The following CEP57L1 variants were observed in gnomAD, a reference collection of about 807,000 sequenced individuals.
CEP57L1 encodes centrosomal protein 57 like 1.
Under a neutral mutation model 61.0 loss-of-function variants are expected in CEP57L1, and 37 were observed. The observed-to-expected ratio is 0.61, with a 90% confidence interval of 0.47 to 0.80. The LOEUF (loss-of-function observed/expected upper bound fraction) is 0.80, where lower values mean the gene tolerates loss of function less well. Among genes scored for constraint, CEP57L1 ranks in the 30% least tolerant of loss-of-function variants. CEP57L1 has a pLI of 0.00. For synonymous variants in CEP57L1, 137 were observed against 162.3 expected, an observed-to-expected ratio of 0.84 and a Z score of 1.19; for missense variants, 422 against 524.7, an observed-to-expected ratio of 0.80 and a Z score of 1.91.
intron 3 of CEP57L1, among the ~76,000 whole-genome samples, chr6:109,147,720 GA>G (rs1321323536): frequency 6.6e-6 from 1 of 152,160 alleles, no homozygotes; most frequent in Non-Finnish European, 1.5e-5. Flanking sequence ...AAGAACAGGG[GA>G]AAATGAGAGT....
rs1773870634 is a variant in CEP57L1 at position 109,163,147 on chromosome 6, A to G, written c.*177A>G. 1 of 511,956 alleles carries G rather than the reference A, an allele frequency of 2.0e-6. No homozygotes were observed. Among genetic ancestry groups the G allele is most frequent in the Non-Finnish European group, 3.4e-6 (1 of 290,230 alleles). 31.7% of individuals were successfully genotyped at this position (511,956 alleles called of 1,614,324 possible). A position where few individuals can be genotyped will look rare whatever the true frequency, so the allele number is the denominator to read the frequency against. Reference sequence around the variant, plus strand: ...AATGACCTGGTGGGTTCCAAATAATAAATTAATTGCTTTTTTATTTTTCTT... The same window carrying G: ...AATGACCTGGTGGGTTCCAAATAATGAATTAATTGCTTTTTTATTTTTCTT... On this transcript the variant is annotated 3_prime_UTR_variant, in exon 11 of 11. Coordinates refer to ENST00000517392, the MANE Select transcript of CEP57L1 (RefSeq NM_001271852.3).
intron 10 of CEP57L1, among the ~76,000 whole-genome samples, chr6:109,162,046 C>T (rs1773761921): frequency 6.6e-6 from 1 of 151,904 alleles, no homozygotes; most frequent in African/African-American, 2.4e-5. Flanking sequence ...TCCACTATTA[C>T]CATATACTAC....
intron 2 of CEP57L1, 85 bp downstream of exon 2, chr6:109,145,466 T>A (rs897353548): frequency 2.2e-6 from 2 of 907,166 alleles, no homozygotes; most frequent in African/African-American, 1.7e-5. Context: ...TATGATTGCA[T>A]ATTTAATCTT....
intron 1 of CEP57L1, among the ~76,000 whole-genome samples, chr6:109,104,297 TTA>T (rs1215203787): frequency 6.6e-6 from 1 of 151,156 alleles, no homozygotes; most frequent in Non-Finnish European, 1.5e-5. Flanking sequence ...CCAGTCCCTA[TTA>T]ATGTATATTT....
At chr6:109,105,523 A>G (rs981100145) in intron 1 of CEP57L1, among the ~76,000 whole-genome samples, 1 of 152,124 alleles carries the variant, frequency 6.6e-6, no homozygotes, top group Non-Finnish European at 1.5e-5. Context: ...TTTCTTTTGT[A>G]TCAGTCCCTT....
chr6:109,150,354 A>G, intron 4 of CEP57L1, 115 bp downstream of exon 4: 2 of 1,231,786 alleles, frequency 1.6e-6, no homozygotes, highest in Non-Finnish European at 2.3e-6. Flanking sequence ...ATGAGGTCTA[A>G]CTTACGTGTA....
rs1420082721 is a variant in CEP57L1 at position 109,173,818 on chromosome 6, G to T, written c.*10848G>T. Among the ~76,000 whole-genome samples, 48 of 151,880 alleles carry T rather than the reference G, an allele frequency of 3.2e-4. No individual in the cohort carries two copies. The highest frequency in any genetic ancestry group is 3.1e-3 in the Admixed American group (47 of 15,242). ...TGTCACTCAAAAGCCATGTGTTGGG[G>T]CTGAACGTAGTGGCTCACGCCTATA... On this transcript the variant is annotated 3_prime_UTR_variant, in exon 11 of 11. Coordinates refer to ENST00000517392, the MANE Select transcript of CEP57L1 (RefSeq NM_001271852.3).
intron 1 of CEP57L1, among the ~76,000 whole-genome samples, chr6:109,143,169 C>T (rs897570224): frequency 6.7e-6 from 1 of 149,750 alleles, no homozygotes; most frequent in African/African-American, 2.6e-5. Flanking sequence ...TTTAAACTCT[C>T]TCTCTTTTTA....
At chr6:109,129,592 A>G (rs182225473) in intron 1 of CEP57L1, 73 of 451,864 alleles carry the variant, frequency 1.6e-4, no homozygotes, top group African/African-American at 1.3e-3. Context: ...TTCCAGCTCA[A>G]TCTTACCTAC....
intron 1 of CEP57L1, among the ~76,000 whole-genome samples, chr6:109,134,464 T>C (rs1048169302): frequency 2.0e-5 from 3 of 152,214 alleles, no homozygotes; most frequent in African/African-American, 7.2e-5. Flanking sequence ...TCATACTGAA[T>C]GGGCAAAAAC....
chr6:109,159,590 T>G (rs1202053880), intron 9 of CEP57L1, 128 bp downstream of exon 9: 8 of 740,586 alleles, frequency 1.1e-5, no homozygotes, highest in Non-Finnish European at 1.8e-5. Flanking sequence ...ATTACAAGCA[T>G]GAGCCACCGT....
intron 1 of CEP57L1, among the ~76,000 whole-genome samples, chr6:109,125,627 G>A (rs1337886848): frequency 6.6e-6 from 1 of 151,160 alleles, no homozygotes; most frequent in East Asian, 1.9e-4. Flanking sequence ...GCTGCTACTC[G>A]GGAGGCTGAG....
At chr6:109,142,313 G>A (rs1402626139) in intron 1 of CEP57L1, among the ~76,000 whole-genome samples, 1 of 152,182 alleles carries the variant, frequency 6.6e-6, no homozygotes, top group Non-Finnish European at 1.5e-5. Context: ...CCTTGGCAGA[G>A]ACATGGATGG....
chr6:109,095,249 A>G (rs949856949), upstream of CEP57L1: 16 of 985,474 alleles, frequency 1.6e-5, no homozygotes, highest in African/African-American at 2.8e-4. Context: ...GGGGAAGGAA[A>G]AAGTAAGACG....
chr6:109,155,163 G>A, intron 5 of CEP57L1, 67 bp from the exon 6 acceptor site: 1 of 962,390 alleles, frequency 1.0e-6, no homozygotes, highest in South Asian at 1.9e-5. Context: ...GACTCTATTT[G>A]GAAAAGAAAC....
At chr6:109,137,371 G>A (rs992055930) in intron 1 of CEP57L1, among the ~76,000 whole-genome samples, 25 of 151,834 alleles carry the variant, frequency 1.6e-4, no homozygotes, top group African/African-American at 6.0e-4. Context: ...GCCCCATCTC[G>A]GCTCACTGCG....
intron 10 of CEP57L1, among the ~76,000 whole-genome samples, chr6:109,161,115 G>T (rs1419243171): frequency 6.6e-6 from 1 of 151,898 alleles, no homozygotes; most frequent in African/African-American, 2.4e-5. Context: ...ACATAAACCT[G>T]GCTCCCAAGC....
rs746329792 is a variant in CEP57L1 at position 109,167,908 on chromosome 6, G to C, written c.*4938G>C. 3.0e-4 allele frequency among the ~76,000 whole-genome samples: 46 copies of C among 152,176 alleles called. No individual in the cohort carries two copies. Among genetic ancestry groups the C allele is most frequent in the Non-Finnish European group, 5.7e-4 (39 of 68,024 alleles). On this transcript the variant is annotated 3_prime_UTR_variant, in exon 11 of 11. Coordinates refer to ENST00000517392, the MANE Select transcript of CEP57L1 (RefSeq NM_001271852.3). ...CTCTAATTATTGATCTCAAAATACT[G>C]TATTAGCTACTATGGAATTCCGTTT...
At chr6:109,131,292 A>C (rs187613696) in intron 1 of CEP57L1, among the ~76,000 whole-genome samples, 2 of 152,196 alleles carry the variant, frequency 1.3e-5, no homozygotes, top group Admixed American at 1.3e-4. Context: ...TATAGTGCCT[A>C]AGACCTGAAT....
Sources: allele counts gnomAD v4.1 joint callset (sites outside exome capture counted in the v4.1 genomes callset), GRCh38; gene constraint gnomAD v4.1.1; transcripts MANE v1.5; gene names NCBI Gene and HGNC (gene_info 2026-07-23, HGNC 2026-07-21).